The following DICER1 variants were observed in gnomAD, a reference collection of about 807,000 sequenced individuals.
DICER1 encodes endoribonuclease Dicer.
In DICER1, 43 loss-of-function variants were observed where a neutral mutation model predicts 194.1. The observed-to-expected ratio is 0.22, with a 90% CI of 0.17 to 0.29. The LOEUF (loss-of-function observed/expected upper bound fraction) is 0.29. DICER1 is among the 10% of genes least tolerant of loss of function. The probability of loss-of-function intolerance (pLI) is 1.00; values close to 1 mark genes in which losing one functional copy is unlikely to be tolerated. For missense variants in DICER1, 1,608 were observed against 2,317.0 expected, an observed-to-expected ratio of 0.69 and a Z score of 6.28; for synonymous variants, 832 against 820.5, an observed-to-expected ratio of 1.01 and a Z score of -0.24.
chr14:95,114,114 C>T (rs73329798), intron 11 of DICER1, among the ~76,000 whole-genome samples: 3,973 of 152,278 alleles, frequency 0.026, 172 homozygotes, highest in African/African-American at 0.089. Flanking sequence ...TCCACTAAAA[C>T]GCCTGGCAGC....
intron 14 of DICER1, among the ~76,000 whole-genome samples, chr14:95,109,350 A>G (rs1891747241): frequency 6.6e-6 from 1 of 152,258 alleles, no homozygotes; most frequent in African/African-American, 2.4e-5. Context: ...ATAGAGAATC[A>G]GAAAATAAAG....
Position 95,103,774 on chromosome 14 carries a change from C to T in DICER1, c.3622G>A (p.Glu1208Lys). 6.2e-7 allele frequency: 1 copy of T among 1,614,152 alleles called. No homozygotes were observed. Among genetic ancestry groups the T allele is most frequent in the Non-Finnish European group, 8.5e-7 (1 of 1,180,040 alleles). Reference sequence around the variant, plus strand: ...GAGGTAGTTGGTTGCACGGGTATTTCCTGCTTGTAGTAATTTAGCTGATTT... The same window carrying T: ...GAGGTAGTTGGTTGCACGGGTATTTTCTGCTTGTAGTAATTTAGCTGATTT... ...QGNQLNYYKQ[E>K]IPVQPTTSYS... Residue 1208 changes from glutamate (E) to lysine (K), a missense_variant, in exon 21 of 27, where the codon GAA (glutamate) becomes AAA (lysine). By Grantham distance (56) the Glu-to-Lys change is moderately conservative (BLOSUM62 1). Around this residue, in one of 10 missense-constraint regions of DICER1, gnomAD observed 222 missense variants for 215.5 expected, o/e 1.03. Transcript: ENST00000343455.
intron 3 of DICER1, among the ~76,000 whole-genome samples, chr14:95,132,177 G>A (rs1186966963): frequency 1.3e-5 from 2 of 151,902 alleles, no homozygotes; most frequent in Non-Finnish European, 2.9e-5. Flanking sequence ...AAGTACAAAC[G>A]TTAATTATCC....
chr14:95,149,543 C>G (rs1895374437), intron 1 of DICER1, among the ~76,000 whole-genome samples: 2 of 152,184 alleles, frequency 1.3e-5, no homozygotes, highest in Non-Finnish European at 2.9e-5. Context: ...TCATCACGGG[C>G]TTCATTATAT....
At chr14:95,145,711 G>A (rs1258312056) in intron 1 of DICER1, among the ~76,000 whole-genome samples, 1 of 150,880 alleles carries the variant, frequency 6.6e-6, no homozygotes, top group Non-Finnish European at 1.5e-5. Context: ...TTTAAACACT[G>A]GTATCTTTGC....
chr14:95,094,402 CTTG>C (rs1186091586), intron 23 of DICER1, among the ~76,000 whole-genome samples: 1 of 152,170 alleles, frequency 6.6e-6, no homozygotes, highest in Admixed American at 6.5e-5. Context: ...AAGACTAACG[CTTG>C]TTAAGAAGGA....
intron 1 of DICER1, among the ~76,000 whole-genome samples, chr14:95,155,933 G>C (rs1895828108): frequency 6.6e-6 from 1 of 152,150 alleles, no homozygotes; most frequent in Non-Finnish European, 1.5e-5. Flanking sequence ...GCCACAGGTA[G>C]CTTTAAAGTA....
intron 1 of DICER1, chr14:95,141,541 C>T (rs1356621521): frequency 6.6e-6 from 1 of 152,160 alleles, no homozygotes; most frequent in Non-Finnish European, 1.5e-5. Flanking sequence ...TTGGCAGTGG[C>T]CTCTTTTTAC....
chr14:95,118,716 C>T (rs1178289126), intron 8 of DICER1, among the ~76,000 whole-genome samples: 1 of 151,912 alleles, frequency 6.6e-6, no homozygotes, highest in Non-Finnish European at 1.5e-5. Context: ...CTGATATAAG[C>T]GATTCCACAT....
chr14:95,107,932 T>G lies in DICER1; in HGVS notation c.2598A>C (p.Glu866Asp). The G allele has an allele frequency of 1.9e-6, 3 of 1,614,098 alleles. No individual in the cohort carries two copies. Among genetic ancestry groups the G allele is most frequent in the Non-Finnish European group, 2.5e-6 (3 of 1,179,986 alleles). Residue 866 changes from glutamate (E) to aspartate (D), a missense_variant, in exon 16 of 27, where the codon GAA (glutamate) becomes GAC (aspartate). This residue lies in a region of DICER1 where 150 missense variants were observed against 216.0 expected (regional missense o/e 0.69). Coordinates refer to ENST00000343455, the MANE Select transcript of DICER1 (RefSeq NM_177438.3). ...HILRLEKPALEFKPTDADSAY... is the reference protein window; with the variant it reads ...HILRLEKPALDFKPTDADSAY... ...CTGAATCAGCGTCTGTAGGTTTAAA[T>G]TCTAGTGCAGGTTTTTCAAGCCGAA...
chr14:95,126,482 C>A, intron 7 of DICER1, 98 bp downstream of exon 7: 2 of 790,156 alleles, frequency 2.5e-6, no homozygotes, highest in South Asian at 1.7e-5. Flanking sequence ...AACTAAAATG[C>A]AAAGAAAAGA....
intron 9 of DICER1, 65 bp from the exon 10 acceptor site, chr14:95,116,760 TAGTAAA>T: frequency 4.0e-6 from 6 of 1,508,644 alleles, no homozygotes; most frequent in South Asian, 1.1e-5. Flanking sequence ...CAAAAAAAAT[TAGTAAA>T]AGTAAATGAC....
At chr14:95,102,693 T>C (rs959346050) in intron 21 of DICER1, among the ~76,000 whole-genome samples, 28 of 152,120 alleles carry the variant, frequency 1.8e-4, no homozygotes, top group Non-Finnish European at 3.5e-4. Flanking sequence ...CTTTTTTCCA[T>C]TTTTCCCCCA....
At chr14:95,108,604 G>T in intron 14 of DICER1, 101 bp from the exon 15 acceptor site, 2 of 1,087,562 alleles carry the variant, frequency 1.8e-6, no homozygotes, top group Non-Finnish European at 2.8e-6. Context: ...ACTAAAAGCT[G>T]ATGAGAATAA....
chr14:95,111,435 A>G lies in DICER1; in HGVS notation c.2138T>C (p.Met713Thr). ...TTTAACAGTCTCTTTCCCAACTGGC[A>G]TCAAATGGTCATCCAGTTCGCCTAA... ...HKIGELDDHL[M>T]PVGKETVKYE... The change falls in exon 14 of 27, where the codon ATG becomes ACG. Residue 713 changes from methionine to threonine, a missense_variant. This residue lies in a region of DICER1 where 657 missense variants were observed against 910.1 expected (regional missense o/e 0.72). Transcript: ENST00000343455. The G allele has an allele frequency of 6.2e-7, 1 of 1,614,148 alleles. No individual in the cohort carries two copies. The highest frequency in any genetic ancestry group is 8.5e-7 in the Non-Finnish European group (1 of 1,179,974).
At chr14:95,146,405 C>A (rs1223577316) in intron 1 of DICER1, among the ~76,000 whole-genome samples, 1 of 152,152 alleles carries the variant, frequency 6.6e-6, no homozygotes, top group Non-Finnish European at 1.5e-5. Flanking sequence ...TACTCACAAA[C>A]CAATCAGCAC....
intron 22 of DICER1, among the ~76,000 whole-genome samples, chr14:95,099,516 C>T (rs1339710870): frequency 6.6e-6 from 1 of 152,000 alleles, no homozygotes; most frequent in Non-Finnish European, 1.5e-5. Context: ...CAAAACATCA[C>T]ATACTCTTAT....
chr14:95,103,756 T>C lies in DICER1; in HGVS notation c.3640A>G (p.Thr1214Ala), dbSNP rs776023608. ...AAATTCTGAATGGAATATGAGGTAG[T>C]TGGTTGCACGGGTATTTCCTGCTTG... ...YYKQEIPVQP[T>A]TSYSIQNLYS... is the part of the protein sequence containing the mutation. The change falls in exon 21 of 27, where the codon ACT becomes GCT. Residue 1214 changes from threonine (T) to alanine (A), a missense_variant. Coordinates refer to ENST00000343455, the MANE Select transcript of DICER1 (RefSeq NM_177438.3). 34 of 1,614,066 alleles carry C rather than the reference T, an allele frequency of 2.1e-5. No individual in the cohort carries two copies. The highest frequency in any genetic ancestry group is 1.3e-4 in the Admixed American group (8 of 60,010).
chr14:95,087,303 T>C lies in DICER1; in HGVS notation c.*3195A>G, dbSNP rs1595300605. On this transcript the variant is annotated 3_prime_UTR_variant, in exon 27 of 27. Transcript: ENST00000343455. The stretch of plus-strand genomic sequence containing the variant: ...ACAATTACAGGAGTGTTAGAGGTCA[T>C]TCTAAATTTCATCACTTCACGTAAT... 1 of 233,388 alleles carries C rather than the reference T, an allele frequency of 4.3e-6. No individual in the cohort carries two copies. The highest frequency in any genetic ancestry group is 8.5e-6 in the Non-Finnish European group (1 of 117,890). The allele number at this position is 233,388 out of a possible 1,614,324, so 14.5% of individuals were successfully genotyped here. A position where few individuals can be genotyped will look rare whatever the true frequency, so the allele number is the denominator to read the frequency against.
Sources: gnomAD v4.1 joint callset for allele counts (sites outside exome capture counted in the v4.1 genomes callset) on GRCh38, gnomAD v4.1.1 for gene constraint, gnomAD v4.1.1 regional missense constraint, MANE v1.5 for transcripts, NCBI Gene and HGNC (gene_info 2026-07-23, HGNC 2026-07-21) for gene names.